The following ANKDD1A variants were observed in gnomAD, a reference collection of about 807,000 sequenced individuals.
ANKDD1A encodes the protein ankyrin repeat and death domain containing 1A, also known as ankyrin repeat and death domain-containing protein 1A.
ANKDD1A carries 59 observed loss-of-function variants against 63.5 expected under a neutral mutation model. The ratio of observed to expected loss-of-function variants is 0.93; its 90% CI spans 0.75 to 1.15. ANKDD1A has a LOEUF of 1.15. ANKDD1A is among the 50% of genes most tolerant of loss of function. The pLI is 0.00. For missense variants in ANKDD1A, 632 were observed against 656.4 expected (o/e 0.96, Z 0.41); for synonymous variants, 266 against 263.9 (o/e 1.01, Z -0.08).
intron 9 of ANKDD1A, among the ~76,000 whole-genome samples, chr15:64,937,973 G>A (rs1247233435): frequency 6.6e-6 from 1 of 152,038 alleles, no homozygotes; most frequent in African/African-American, 2.4e-5. Context: ...ATTAAAAAAC[G>A]ATGATTAGGT....
rs1396832986 is a variant in ANKDD1A, at chr15:64,958,463, C to A, written c.*1275C>A. On this transcript the variant is annotated 3_prime_UTR_variant, in exon 15 of 15. Coordinates refer to ENST00000319580, the MANE Select transcript of ANKDD1A (RefSeq NM_182703.6). The stretch of plus-strand genomic sequence containing the variant: ...GCTATCTGCTCAATTTTTCTCTAAA[C>A]CTAAAACTGTTCTAAAATAGAAAGT... The A allele has an allele frequency of 6.6e-6, 1 of 151,754 alleles. No individual in the cohort carries two copies. The highest frequency in any genetic ancestry group is 1.5e-5 in the Non-Finnish European group (1 of 67,954). 9.4% of individuals were successfully genotyped at this position (151,754 alleles called of 1,614,324 possible).
At chr15:64,951,406 T>TCC (rs1667151213) in intron 14 of ANKDD1A, 2 of 269,526 alleles carry the variant, frequency 7.4e-6, no homozygotes, top group African/African-American at 7.3e-5. Context: ...TCTTTTTTCT[T>TCC]TTTTCTTTTC....
intron 8 of ANKDD1A, 26 bp from the exon 9 acceptor site, chr15:64,934,110 A>T (rs58089610): frequency 0.98 from 1,561,656 of 1,589,240 alleles, 771,209 homozygotes; most frequent in East Asian, 1. Context: ...CCTTGTGATA[A>T]CGCATTGATG....
chr15:64,952,565 G>A (rs557308784), intron 14 of ANKDD1A, among the ~76,000 whole-genome samples: 7 of 80,872 alleles, frequency 8.7e-5, no homozygotes, highest in Non-Finnish European at 1.0e-4. Flanking sequence ...CTTCTCCTTC[G>A]TTCTTCTTCT....
At chr15:64,917,617 T>C (rs1326872819) in intron 3 of ANKDD1A, 103 bp downstream of exon 3, 6 of 1,474,382 alleles carry the variant, frequency 4.1e-6, no homozygotes, top group Non-Finnish European at 5.5e-6. Context: ...ATGCAGACAT[T>C]CAGGTGCAGA....
At chr15:64,937,836 A>G (rs1243951637) in intron 9 of ANKDD1A, among the ~76,000 whole-genome samples, 1 of 152,224 alleles carries the variant, frequency 6.6e-6, no homozygotes, top group Non-Finnish European at 1.5e-5. Flanking sequence ...AAGCAGGTGC[A>G]AATTCTCTAC....
intron 14 of ANKDD1A, among the ~76,000 whole-genome samples, chr15:64,955,056 TC>T (rs2085406054): frequency 6.6e-6 from 1 of 150,912 alleles, no homozygotes; most frequent in Non-Finnish European, 1.5e-5. Context: ...TCTTTCTTCT[TC>T]TTTTCTCTTT....
chr15:64,938,370 T>A (rs1055096287), intron 9 of ANKDD1A, among the ~76,000 whole-genome samples: 3 of 152,048 alleles, frequency 2.0e-5, no homozygotes, highest in African/African-American at 7.3e-5. Flanking sequence ...CAGTGATGAG[T>A]CATGTTGGCA....
intron 3 of ANKDD1A, among the ~76,000 whole-genome samples, chr15:64,917,763 T>C (rs1006572086): frequency 6.6e-6 from 1 of 152,196 alleles, no homozygotes; most frequent in Admixed American, 6.5e-5. Context: ...CATGATACCA[T>C]GCGAACAGAG....
chr15:64,952,278 TCTTCCTTCTC>T (rs2085303333), intron 14 of ANKDD1A, among the ~76,000 whole-genome samples: 1 of 150,566 alleles, frequency 6.6e-6, no homozygotes, highest in South Asian at 2.1e-4. Flanking sequence ...TTCTTTTTCT[TCTTCCTTCTC>T]CTTCCTCTCC....
At chr15:64,952,675 T>G (rs904919976) in intron 14 of ANKDD1A, among the ~76,000 whole-genome samples, 8 of 145,366 alleles carry the variant, frequency 5.5e-5, no homozygotes, top group Non-Finnish European at 9.1e-5. Flanking sequence ...TTCTTCCTTC[T>G]TCTTCTTCCT....
In ANKDD1A at chr15:64,930,860, C is replaced by G. The variant is rs763512420; in HGVS notation, c.609C>G (p.Gly203=). 3.1e-6 allele frequency: 5 copies of G among 1,613,128 alleles called. No individual in the cohort carries two copies. The highest frequency in any genetic ancestry group is 1.6e-4 in the Middle Eastern group (1 of 6,062). Residue 203 remains glycine (G), a synonymous_variant, in exon 7 of 15, where the codon GGC becomes GGG. Coordinates refer to ENST00000319580, the MANE Select transcript of ANKDD1A (RefSeq NM_182703.6). ...CCCTTCATCTGGCTGCTGGTCGGGGCCATATGGCTGTGCTGCAGCGACTTG... is the reference window on the plus strand; with the variant it reads ...CCCTTCATCTGGCTGCTGGTCGGGGGCATATGGCTGTGCTGCAGCGACTTG... The part of the protein sequence containing the change: ...NTALHLAAGR[G]HMAVLQRLVD...
intron 14 of ANKDD1A, among the ~76,000 whole-genome samples, chr15:64,953,556 T>TTTCTTCTTCCTTCTCC (rs2085346835): frequency 1.2e-5 from 1 of 80,152 alleles, no homozygotes; most frequent in Non-Finnish European, 3.3e-5. Flanking sequence ...CTTCTCCTTC[T>TTTCTTCTTCCTTCTCC]TTCTTCCTCC....
At chr15:64,947,716 C>T in intron 13 of ANKDD1A, 123 bp downstream of exon 13, 1 of 1,162,750 alleles carries the variant, frequency 8.6e-7, no homozygotes, top group South Asian at 1.5e-5. Flanking sequence ...TGGTCCCACA[C>T]TGTCCAACAC....
intron 1 of ANKDD1A, 47 bp downstream of exon 1, chr15:64,912,011 A>G: frequency 1.6e-6 from 2 of 1,236,442 alleles, no homozygotes; most frequent in Non-Finnish European, 2.0e-6. Flanking sequence ...GGCCGAGAGG[A>G]CCCCCGCATC....
intron 14 of ANKDD1A, among the ~76,000 whole-genome samples, chr15:64,952,127 TCTTCTTCTTCCTTA>T (rs2085299445): frequency 7.4e-6 from 1 of 135,900 alleles, no homozygotes; most frequent in African/African-American, 3.6e-5. Context: ...TTCTTCTCTT[TCTTCTTCTTCCTTA>T]TTCTTCTTCC....
rs372655985 is a variant in ANKDD1A at position 64,949,815 on chromosome 15, T to C, written c.1352-26T>C. ...TGGCCCCATTGGCTCCTTCTCCCTC[T>C]CTCTCTCCTCCCTCACTGTTCTCAG... On this transcript the variant is annotated intron_variant, in intron 13 of 14. Transcript: ENST00000319580. The C allele has an allele frequency of 1.8e-5, 28 of 1,595,770 alleles. No homozygotes were observed. In the African/African-American group the frequency reaches 1.9e-4, roughly 11 times the overall value.
At chr15:64,923,839 A>G (rs558720180) in intron 4 of ANKDD1A, among the ~76,000 whole-genome samples, 2 of 152,268 alleles carry the variant, frequency 1.3e-5, no homozygotes, top group African/African-American at 4.8e-5. Context: ...TTGATGGAGT[A>G]TACTATAAAC....
At chr15:64,925,227 C>CAAAAAAA (rs769786433) in intron 4 of ANKDD1A, among the ~76,000 whole-genome samples, 1 of 42,604 alleles carries the variant, frequency 2.3e-5, no homozygotes, top group African/African-American at 7.9e-5. Flanking sequence ...GACTCCGACT[C>CAAAAAAA]AAAAAAAAAA....
Sources: allele counts gnomAD v4.1 joint callset (sites outside exome capture counted in the v4.1 genomes callset), GRCh38; gene constraint gnomAD v4.1.1; transcripts MANE v1.5; gene names NCBI Gene and HGNC (gene_info 2026-07-23, HGNC 2026-07-21).